DCDC1: variants seen among roughly 807,000 people sequenced by gnomAD.
DCDC1 encodes doublecortin domain-containing protein 1.
In DCDC1, 200 loss-of-function variants were observed where a neutral mutation model predicts 178.3. That is an observed-to-expected ratio of 1.12 (90% CI 1.00 to 1.26). The LOEUF (loss-of-function observed/expected upper bound fraction) is 1.26, where lower values mean the gene tolerates loss of function less well. Ranked by LOEUF, DCDC1 falls within the 50% of genes most tolerant of loss-of-function variation. The pLI, the probability that DCDC1 is intolerant of heterozygous loss-of-function variation, is 0.00. For synonymous variants in DCDC1, 690 were observed against 604.8 expected (o/e 1.14, Z -2.07); for missense variants, 1,983 against 1,749.2 (o/e 1.13, Z -2.38).
chr11:30,921,562 C>T, intron 24 of DCDC1, among the ~76,000 whole-genome samples: 1 of 152,128 alleles, frequency 6.6e-6, no homozygotes, highest in East Asian at 1.9e-4. Context: ...CTCCAAAAGC[C>T]TGTAGCTCCC....
chr11:30,956,054 T>A (rs1398283624), intron 20 of DCDC1, among the ~76,000 whole-genome samples: 1 of 152,166 alleles, frequency 6.6e-6, no homozygotes, highest in Non-Finnish European at 1.5e-5. Context: ...GACACTACTG[T>A]CATCTAACTG....
At chr11:30,928,971 C>T (rs1054785293) in intron 22 of DCDC1, among the ~76,000 whole-genome samples, 13 of 151,800 alleles carry the variant, frequency 8.6e-5, no homozygotes, top group African/African-American at 2.9e-4. Context: ...GAAAAAGATG[C>T]TTAATTTGAA....
At chr11:30,977,588 T>G (rs192827688) in intron 20 of DCDC1, among the ~76,000 whole-genome samples, 84 of 152,316 alleles carry the variant, frequency 5.5e-4, no homozygotes, top group Admixed American at 2.2e-3. Context: ...CATAAAGCAT[T>G]TTCCTCTTTC....
rs780975208 is a variant in DCDC1, at chr11:31,328,256, GATCTT to G, written c.20_24del (p.Glu7AlafsTer15). 7 of 1,580,812 alleles carry G rather than the reference GATCTT, an allele frequency of 4.4e-6. No individual in the cohort carries two copies. The African/African-American group carries it at 8.1e-5, about 18-fold the overall frequency. ...GAAGACTGAGATAGTGCTTCTCTGTGATCTTCTGCTCCTGTTTTTGCCATTTTCAG... is the reference window on the plus strand; with the variant it reads ...GAAGACTGAGATAGTGCTTCTCTGTGCTGCTCCTGTTTTTGCCATTTTCAG... On this transcript the variant is annotated frameshift_variant, in exon 3 of 39. Transcript: ENST00000684477. LOFTEE classifies it high-confidence loss of function.
intron 20 of DCDC1, among the ~76,000 whole-genome samples, chr11:31,028,744 G>C (rs578055391): frequency 1.1e-4 from 17 of 151,930 alleles, no homozygotes; most frequent in African/African-American, 3.9e-4. Flanking sequence ...TTTGAACATG[G>C]GCTTTCTACT....
chr11:31,110,125 T>C (rs1959106927), intron 12 of DCDC1, 135 bp downstream of exon 12: 3 of 566,298 alleles, frequency 5.3e-6, no homozygotes, highest in South Asian at 4.9e-5. Context: ...CAGAAGTAAA[T>C]CTTTGTGATA....
At chr11:31,107,015 G>T in intron 12 of DCDC1, 55 bp from the exon 13 acceptor site, 1 of 693,838 alleles carries the variant, frequency 1.4e-6, no homozygotes. Flanking sequence ...AACCTAAAAT[G>T]GGAACATCTG....
intron 17 of DCDC1, among the ~76,000 whole-genome samples, chr11:31,084,248 C>G (rs1210291957): frequency 6.6e-6 from 1 of 151,996 alleles, no homozygotes; most frequent in Admixed American, 6.6e-5. Context: ...TTATTTCTAG[C>G]ATGTAAAGGC....
rs139189690 is a variant in DCDC1, at chr11:31,175,039, G to A, written c.1222-37255C>T. On this transcript the variant is annotated intron_variant, in intron 9 of 38. Transcript: ENST00000684477. ...TCACCAAATTGCAGTCGACAAGAAG[G>A]AAAGATAAAAGGAGAGAAGAGCTGA... 2.6e-4 allele frequency among the ~76,000 whole-genome samples: 39 copies of A among 152,338 alleles called. No homozygotes were observed. The East Asian group carries it at 7.5e-3, about 29-fold the overall frequency.
intron 20 of DCDC1, among the ~76,000 whole-genome samples, chr11:30,987,387 T>A (rs1245283937): frequency 6.6e-6 from 1 of 152,166 alleles, no homozygotes; most frequent in African/African-American, 2.4e-5. Context: ...TTCTTAATTA[T>A]CTACAATGCC....
In DCDC1 at chr11:31,243,128, T is replaced by C. The variant is rs141232098; in HGVS notation, c.1055-1512A>G. Among the ~76,000 whole-genome samples, 224 of 149,900 alleles carry C rather than the reference T, an allele frequency of 1.5e-3. 5 individuals are homozygous for C. In the East Asian group the frequency reaches 0.015, roughly 10 times the overall value. ...AACAAACAACTCAAACTTAAAAAAA[T>C]ATAAGATCATAAATATTATAAAAGC... On this transcript the variant is annotated intron_variant, in intron 8 of 38. Transcript: ENST00000684477.
At chr11:30,945,035 C>T (rs911541019) in intron 21 of DCDC1, among the ~76,000 whole-genome samples, 1 of 123,300 alleles carries the variant, frequency 8.1e-6, no homozygotes, top group Non-Finnish European at 1.6e-5. Flanking sequence ...GTGGCACAAT[C>T]TCAGCTCACT....
chr11:31,109,952 A>G (rs1959095889), intron 12 of DCDC1, among the ~76,000 whole-genome samples: 2 of 152,120 alleles, frequency 1.3e-5, no homozygotes, highest in Admixed American at 1.3e-4. Context: ...CCTCCACTGA[A>G]TATATCACTT....
chr11:30,873,915 G>A (rs1941879049), intron 38 of DCDC1, among the ~76,000 whole-genome samples: 2 of 152,114 alleles, frequency 1.3e-5, no homozygotes, highest in South Asian at 4.2e-4. Context: ...AATGAACATG[G>A]AAAGCTTCAG....
intron 20 of DCDC1, among the ~76,000 whole-genome samples, chr11:30,967,402 A>G (rs929330072): frequency 6.6e-6 from 1 of 152,130 alleles, no homozygotes; most frequent in African/African-American, 2.4e-5. Flanking sequence ...GTTTATCTAG[A>G]AAACCCCATC....
chr11:30,902,175 T>C (rs942865768), intron 32 of DCDC1, among the ~76,000 whole-genome samples: 3 of 152,090 alleles, frequency 2.0e-5, no homozygotes, highest in Admixed American at 6.6e-5. Context: ...TTATGAGAGA[T>C]AGAGACTTTA....
intron 20 of DCDC1, among the ~76,000 whole-genome samples, chr11:31,044,171 TCA>T (rs538333418): frequency 3.8e-4 from 58 of 152,108 alleles, no homozygotes; most frequent in South Asian, 1.0e-3. Flanking sequence ...GAAGGAAAAG[TCA>T]CAGAGATTTA....
At chr11:31,166,964 C>A (rs1379311077) in intron 9 of DCDC1, among the ~76,000 whole-genome samples, 3 of 152,112 alleles carry the variant, frequency 2.0e-5, no homozygotes, top group African/African-American at 7.2e-5. Context: ...ATCCTTGGTA[C>A]CCCGAACTAA....
At position 30,903,699 on chromosome 11, in the gene DCDC1, AG is replaced by A; in HGVS notation, c.4309-17del. ...CTGTAAGAAGCTAGATAACACAGGCAGTAAGGATCTGACAGGCAAAGGTGAT... is the reference window on the plus strand; with the variant it reads ...CTGTAAGAAGCTAGATAACACAGGCATAAGGATCTGACAGGCAAAGGTGAT... On this transcript the variant is annotated splice_polypyrimidine_tract_variant and intron_variant, in intron 31 of 38. Coordinates refer to ENST00000684477, the MANE Select transcript of DCDC1 (RefSeq NM_001387274.1). 6.4e-7 allele frequency: 1 copy of A among 1,572,388 alleles called. No individual in the cohort carries two copies.
Sources: allele counts gnomAD v4.1 joint callset (sites outside exome capture counted in the v4.1 genomes callset), GRCh38; gene constraint gnomAD v4.1.1; transcripts MANE v1.5; gene names NCBI Gene and HGNC (gene_info 2026-07-23, HGNC 2026-07-21).